Variants in UNC13C observed in about 807,000 individuals in gnomAD.
UNC13C encodes the protein protein unc-13 homolog C.
Under a neutral mutation model 245.4 loss-of-function variants are expected in UNC13C, and 174 were observed. The ratio of observed to expected loss-of-function variants is 0.71; its 90% CI spans 0.63 to 0.80. The LOEUF (loss-of-function observed/expected upper bound fraction) is 0.80. UNC13C is among the 30% of genes least tolerant of loss of function. The probability of loss-of-function intolerance (pLI) is 0.00; values close to 1 mark genes in which losing one functional copy is unlikely to be tolerated. For synonymous variants in UNC13C, 992 were observed against 895.1 expected, an observed-to-expected ratio of 1.11 and a Z score of -1.93; for missense variants, 2,829 against 2,602.9, an observed-to-expected ratio of 1.09 and a Z score of -1.89.
chr15:53,880,458 G>A, the UNC13C span, among the ~76,000 whole-genome samples: 3 of 152,208 alleles, frequency 2.0e-5, no homozygotes, highest in African/African-American at 7.2e-5. Flanking sequence ...TACACGTTTG[G>A]TTTTCAAAGA....
chr15:54,420,593 T>C (rs1567257122), intron 19 of UNC13C, among the ~76,000 whole-genome samples: 1 of 151,960 alleles, frequency 6.6e-6, no homozygotes, highest in Non-Finnish European at 1.5e-5. Flanking sequence ...GCCTTTCTGA[T>C]CATTTCTGTA....
intron 2 of UNC13C, among the ~76,000 whole-genome samples, chr15:54,081,248 A>G (rs1349387600): frequency 6.6e-6 from 1 of 152,114 alleles, no homozygotes; most frequent in Non-Finnish European, 1.5e-5. Context: ...TGCACAGATG[A>G]TAAAATGTAT....
At chr15:54,124,399 T>C (rs1472421236) in intron 2 of UNC13C, among the ~76,000 whole-genome samples, 1 of 152,250 alleles carries the variant, frequency 6.6e-6, no homozygotes, top group Non-Finnish European at 1.5e-5. Flanking sequence ...GCTACTAATA[T>C]TGATTATCCT....
At chr15:54,147,840 A>T (rs1025352610) in intron 4 of UNC13C, among the ~76,000 whole-genome samples, 1 of 133,726 alleles carries the variant, frequency 7.5e-6, no homozygotes, top group Non-Finnish European at 1.7e-5. Context: ...TAAGCACCAG[A>T]CTTGCATGCA....
At chr15:54,598,843 G>T (rs1299642146) in intron 30 of UNC13C, among the ~76,000 whole-genome samples, 1 of 152,068 alleles carries the variant, frequency 6.6e-6, no homozygotes, top group African/African-American at 2.4e-5. Context: ...TAGCTGTATT[G>T]TACTGAGGCA....
At chr15:54,225,909 C>A (rs1210677833) in intron 4 of UNC13C, among the ~76,000 whole-genome samples, 2 of 152,118 alleles carry the variant, frequency 1.3e-5, no homozygotes, top group African/African-American at 2.4e-5. Flanking sequence ...ATGCTTCCAG[C>A]TTTTGCCCAT....
intron 11 of UNC13C, among the ~76,000 whole-genome samples, chr15:54,294,506 G>T (rs1020236879): frequency 6.6e-6 from 1 of 152,022 alleles, no homozygotes; most frequent in Non-Finnish European, 1.5e-5. Context: ...GTAGGCTTTA[G>T]TTGACAAAGT....
intron 1 of UNC13C, among the ~76,000 whole-genome samples, chr15:53,996,350 C>G (rs190457497): frequency 6.6e-6 from 1 of 152,098 alleles, no homozygotes; most frequent in Non-Finnish European, 1.5e-5. Context: ...AGAGGTGAGG[C>G]CTGGTCTTTG....
chr15:54,410,676 G>A (rs1173029716), intron 18 of UNC13C, among the ~76,000 whole-genome samples: 1 of 151,902 alleles, frequency 6.6e-6, no homozygotes, highest in East Asian at 1.9e-4. Flanking sequence ...TAGGTGTGTG[G>A]CCTTATTTCT....
chr15:54,096,342 A>AG (rs1448640026), intron 2 of UNC13C, among the ~76,000 whole-genome samples: 3 of 151,290 alleles, frequency 2.0e-5, no homozygotes, highest in Non-Finnish European at 3.0e-5. Context: ...CTATTTGGAA[A>AG]AAAAAAGTCT....
intron 2 of UNC13C, among the ~76,000 whole-genome samples, chr15:54,033,153 T>A (rs1381115794): frequency 6.6e-6 from 1 of 152,078 alleles, no homozygotes; most frequent in Non-Finnish European, 1.5e-5. Context: ...AAATTTAAGA[T>A]GTTCCTTTAA....
At chr15:54,071,217 G>T (rs1368319202) in intron 2 of UNC13C, among the ~76,000 whole-genome samples, 2 of 151,984 alleles carry the variant, frequency 1.3e-5, no homozygotes, top group Non-Finnish European at 2.9e-5. Context: ...AAACTTGTAG[G>T]ATTTCAGAAT....
At chr15:53,999,998 G>A (rs1435492796) in intron 1 of UNC13C, among the ~76,000 whole-genome samples, 1 of 152,032 alleles carries the variant, frequency 6.6e-6, no homozygotes. Context: ...TATGAATAAA[G>A]CATATCTCTT....
chr15:54,150,465 C>T (rs563841960), intron 4 of UNC13C, among the ~76,000 whole-genome samples: 1 of 152,320 alleles, frequency 6.6e-6, no homozygotes, highest in East Asian at 1.9e-4. Flanking sequence ...ACATAATGTC[C>T]TATGCACAAA....
intron 24 of UNC13C, among the ~76,000 whole-genome samples, chr15:54,521,690 C>T (rs1895220579): frequency 1.3e-5 from 2 of 152,262 alleles, no homozygotes; most frequent in South Asian, 2.1e-4. Context: ...CATGGTCTGG[C>T]AATGAGATAG....
At chr15:53,869,415 A>T in the UNC13C span, among the ~76,000 whole-genome samples, 1 of 102,472 alleles carries the variant, frequency 9.8e-6, no homozygotes, top group Non-Finnish European at 2.2e-5. Context: ...TTACTCCACG[A>T]TGTCATGCCA....
chr15:54,174,215 TTAAA>T (rs1424696479), intron 4 of UNC13C, among the ~76,000 whole-genome samples: 1 of 152,166 alleles, frequency 6.6e-6, no homozygotes, highest in African/African-American at 2.4e-5. Flanking sequence ...GCTGTCCTCA[TTAAA>T]TAAATAAAGA....
chr15:53,844,902 T>C, the UNC13C span, among the ~76,000 whole-genome samples: 2 of 152,208 alleles, frequency 1.3e-5, no homozygotes, highest in African/African-American at 4.8e-5. Context: ...TGTCACCATG[T>C]TGTCTTTGAC....
intron 4 of UNC13C, among the ~76,000 whole-genome samples, chr15:54,180,810 C>T (rs1224977801): frequency 2.0e-5 from 3 of 151,540 alleles, no homozygotes; most frequent in African/African-American, 4.9e-5. Flanking sequence ...ATGGTCTGCT[C>T]GTATCTTTGG....
Sources: gnomAD v4.1 joint callset for allele counts (sites outside exome capture counted in the v4.1 genomes callset) on GRCh38, gnomAD v4.1.1 for gene constraint, MANE v1.5 for transcripts, NCBI Gene and HGNC (gene_info 2026-07-23, HGNC 2026-07-21) for gene names.